The following PTPRD variants were observed in gnomAD, a reference collection of about 807,000 sequenced individuals.
PTPRD encodes receptor-type tyrosine-protein phosphatase delta.
A neutral mutation model predicts 214.5 loss-of-function variants in PTPRD; 34 were observed. That is an observed-to-expected ratio of 0.16 (90% CI 0.12 to 0.21). The LOEUF is 0.21. PTPRD is among the 10% of genes least tolerant of loss of function. PTPRD has a pLI of 1.00. For missense variants in PTPRD, 2,545 were observed against 2,398.7 expected, an observed-to-expected ratio of 1.06 and a Z score of -1.27; for synonymous variants, 1,128 against 845.7, an observed-to-expected ratio of 1.33 and a Z score of -5.79.
At chr9:8,871,808 TC>T (rs754983812) in intron 11 of PTPRD, among the ~76,000 whole-genome samples, 19 of 152,116 alleles carry the variant, frequency 1.2e-4, no homozygotes, top group African/African-American at 1.9e-4. Flanking sequence ...TTAACTTAAT[TC>T]AAAATTTCGT....
intron 5 of PTPRD, among the ~76,000 whole-genome samples, chr9:9,871,843 G>C (rs2065544095): frequency 6.6e-6 from 1 of 152,160 alleles, no homozygotes; most frequent in African/African-American, 2.4e-5. Context: ...GGGAGGGGTT[G>C]GCTTGATCTT....
At chr9:9,186,401 T>C (rs971160974) in intron 9 of PTPRD, among the ~76,000 whole-genome samples, 1 of 152,008 alleles carries the variant, frequency 6.6e-6, no homozygotes, top group Non-Finnish European at 1.5e-5. Flanking sequence ...CTAGTATTTG[T>C]ATATGTTCAT....
intron 8 of PTPRD, among the ~76,000 whole-genome samples, chr9:9,564,378 A>G (rs953718219): frequency 1.3e-5 from 2 of 152,048 alleles, no homozygotes; most frequent in African/African-American, 4.8e-5. Context: ...AAACAAGTTA[A>G]CTCAGAATCT....
chr9:9,607,188 A>C (rs1332826673), intron 7 of PTPRD, among the ~76,000 whole-genome samples: 1 of 151,972 alleles, frequency 6.6e-6, no homozygotes. Flanking sequence ...AAGAGTAGCA[A>C]CATAATTTTG....
intron 14 of PTPRD, among the ~76,000 whole-genome samples, chr9:8,544,531 G>A (rs184168842): frequency 1.0e-3 from 145 of 145,688 alleles, no homozygotes; most frequent in African/African-American, 3.5e-3. Context: ...GTGCAGGGAC[G>A]TGATCTCGGT....
At chr9:9,309,054 T>C (rs1052659596) in intron 9 of PTPRD, among the ~76,000 whole-genome samples, 1 of 152,098 alleles carries the variant, frequency 6.6e-6, no homozygotes, top group African/African-American at 2.4e-5. Context: ...TTTATTTTTC[T>C]TCTCAGCCTT....
At chr9:9,657,135 A>G (rs1218617078) in intron 7 of PTPRD, among the ~76,000 whole-genome samples, 2 of 152,160 alleles carry the variant, frequency 1.3e-5, no homozygotes, top group African/African-American at 2.4e-5. Context: ...TACTAAGTGA[A>G]TGAATAAAAC....
At chr9:9,333,835 G>A (rs2043332714) in intron 9 of PTPRD, among the ~76,000 whole-genome samples, 1 of 151,788 alleles carries the variant, frequency 6.6e-6, no homozygotes, top group African/African-American at 2.4e-5. Flanking sequence ...AAATTATTAG[G>A]AAATTCAGAT....
intron 25 of PTPRD, 27 bp from the exon 26 acceptor site, chr9:8,497,295 G>A (rs933988157): frequency 6.4e-7 from 1 of 1,574,154 alleles, no homozygotes; most frequent in Middle Eastern, 1.7e-4. Context: ...AGGTTGGGAG[G>A]AAAACAAAAT....
rs1368490776 is a variant in PTPRD at position 8,315,615 on chromosome 9, G to C, written c.*2259C>G. The C allele has an allele frequency of 8.7e-6, 2 of 229,252 alleles. No individual in the cohort carries two copies. Among genetic ancestry groups the C allele is most frequent in the Non-Finnish European group, 1.7e-5 (2 of 115,396 alleles). 14.2% of individuals were successfully genotyped at this position (229,252 alleles called of 1,614,324 possible). A position where few individuals can be genotyped will look rare whatever the true frequency, so the allele number is the denominator to read the frequency against. ...AGTCTCATTCTGAGGTAGCCTTCTA[G>C]ATACTTTTTTTTAGTATTATATATA... On this transcript the variant is annotated 3_prime_UTR_variant, in exon 46 of 46. Transcript: ENST00000381196.
In PTPRD at chr9:9,290,331, G is replaced by A. The variant is rs372089035; in HGVS notation, c.-202-106968C>T. Reference sequence around the variant, plus strand: ...ATTTGCTTCTTTGCTATTTAGTTGTGTGAGTTTCTTATATTTAGATATTAA... The same window carrying A: ...ATTTGCTTCTTTGCTATTTAGTTGTATGAGTTTCTTATATTTAGATATTAA... On this transcript the variant is annotated intron_variant, in intron 9 of 45. Coordinates refer to ENST00000381196, the MANE Select transcript of PTPRD (RefSeq NM_002839.4). Among the ~76,000 whole-genome samples the A allele has an allele frequency of 2.6e-5, 4 of 151,660 alleles. No homozygotes were observed. In the East Asian group the frequency reaches 7.8e-4, roughly 30 times the overall value.
chr9:8,523,482 A>C, intron 19 of PTPRD, 31 bp downstream of exon 19: 1 of 1,610,418 alleles, frequency 6.2e-7, no homozygotes, highest in Middle Eastern at 1.7e-4. Flanking sequence ...ATAGTTTTGT[A>C]AGGTGGGTAA....
At chr9:8,699,886 CA>C (rs2098033132) in intron 12 of PTPRD, among the ~76,000 whole-genome samples, 1 of 152,058 alleles carries the variant, frequency 6.6e-6, no homozygotes, top group Non-Finnish European at 1.5e-5. Context: ...GTGATAAGGG[CA>C]AAAACTAAAC....
rs1317268314 is a variant in PTPRD, at chr9:10,137,692, A to G, written c.-544-103902T>C. ...AATGTGCACATGTACCCTAAAACTT[A>G]GAGTATAATAAAAAAAAAAAAAAAA... On this transcript the variant is annotated intron_variant, in intron 3 of 45. Coordinates refer to ENST00000381196, the MANE Select transcript of PTPRD (RefSeq NM_002839.4). 5.2e-5 allele frequency among the ~76,000 whole-genome samples: 6 copies of G among 114,698 alleles called. 1 individual carries two copies. Among genetic ancestry groups the G allele is most frequent in the African/African-American group, 1.2e-4 (4 of 33,836 alleles). The allele number at this position is 114,698 out of a possible 152,430, so 75.2% of individuals were successfully genotyped here. A position where few individuals can be genotyped will look rare whatever the true frequency, so the allele number is the denominator to read the frequency against.
chr9:9,284,793 T>C (rs566071118), intron 9 of PTPRD, among the ~76,000 whole-genome samples: 2 of 151,886 alleles, frequency 1.3e-5, no homozygotes, highest in South Asian at 4.1e-4. Context: ...ATGTGACCAC[T>C]TAACCTTAAC....
intron 8 of PTPRD, among the ~76,000 whole-genome samples, chr9:9,416,462 T>C (rs1472852557): frequency 6.6e-6 from 1 of 152,200 alleles, no homozygotes; most frequent in Non-Finnish European, 1.5e-5. Context: ...TGTATATAAA[T>C]TGATAACACT....
At position 10,409,254 on chromosome 9, in the gene PTPRD, T is replaced by C. The variant is rs186074040; in HGVS notation, c.-599-68237A>G. 2.5e-3 allele frequency among the ~76,000 whole-genome samples: 387 copies of C among 151,834 alleles called. 4 individuals carry two copies. Among genetic ancestry groups the C allele is most frequent in the African/African-American group, 8.9e-3 (369 of 41,472 alleles). On this transcript the variant is annotated intron_variant, in intron 2 of 45. Transcript: ENST00000381196. ...ATAGAAATATCTTTTGATGAGAAAA[T>C]CTAGAAAACTCTCCTGATAAATCTT...
At chr9:10,041,772 G>A (rs2097300651) in intron 3 of PTPRD, among the ~76,000 whole-genome samples, 1 of 151,806 alleles carries the variant, frequency 6.6e-6, no homozygotes, top group African/African-American at 2.4e-5. Context: ...CATTGCTTTG[G>A]ACAAAGAAAA....
intron 10 of PTPRD, among the ~76,000 whole-genome samples, chr9:9,062,824 G>A: frequency 6.6e-6 from 1 of 152,150 alleles, no homozygotes; most frequent in East Asian, 1.9e-4. Flanking sequence ...TAGGCACCAT[G>A]TGGCCTATTT....
Sources: gnomAD v4.1 joint callset for allele counts (sites outside exome capture counted in the v4.1 genomes callset) on GRCh38, gnomAD v4.1.1 for gene constraint, MANE v1.5 for transcripts, NCBI Gene and HGNC (gene_info 2026-07-23, HGNC 2026-07-21) for gene names.